The following BMP1 variants were observed in gnomAD, a reference collection of about 807,000 sequenced individuals.
The protein encoded by BMP1 is mammalian tolloid protein.
Under a neutral mutation model 116.8 loss-of-function variants are expected in BMP1, and 63 were observed. The observed-to-expected ratio is 0.54, with a 90% confidence interval of 0.44 to 0.67. BMP1 has a LOEUF of 0.67. Ranked by LOEUF, BMP1 falls within the 30% of genes least tolerant of loss-of-function variation. The pLI, the probability that BMP1 is intolerant of heterozygous loss-of-function variation, is 0.00. For synonymous variants in BMP1, 536 were observed against 533.4 expected, an observed-to-expected ratio of 1.00 and a Z score of -0.07; for missense variants, 1,183 against 1,358.9, an observed-to-expected ratio of 0.87 and a Z score of 2.04.
chr8:22,177,254 G>A (rs1032061845), intron 5 of BMP1, 115 bp downstream of exon 5: 2 of 1,133,030 alleles, frequency 1.8e-6, no homozygotes, highest in Non-Finnish European at 1.2e-6. Flanking sequence ...GCCTGGGCCC[G>A]CAGCGCTGCC....
At chr8:22,210,733 T>C (rs1829449661) in intron 19 of BMP1, among the ~76,000 whole-genome samples, 1 of 152,180 alleles carries the variant, frequency 6.6e-6, no homozygotes, top group Admixed American at 6.5e-5. Context: ...GCTGCCCTGG[T>C]GTCCCCTGGC....
At chr8:22,207,107 C>A in intron 17 of BMP1, 126 bp downstream of exon 17, 2 of 1,477,710 alleles carry the variant, frequency 1.4e-6, no homozygotes, top group Non-Finnish European at 1.8e-6. Flanking sequence ...CAAGTCTGGC[C>A]TGGACAGAGG....
Position 22,196,712 on chromosome 8 carries a change from G to A in BMP1, c.1798G>A (p.Gly600Ser), listed in dbSNP as rs371549770. The A allele has an allele frequency of 5.6e-6, 9 of 1,613,958 alleles. No individual in the cohort carries two copies. Among genetic ancestry groups the A allele is most frequent in the African/African-American group, 4.0e-5 (3 of 74,900 alleles). Reference protein sequence around the residue: ...ACGGFLTKLNGSITSPGWPKE... With the variant: ...ACGGFLTKLNSSITSPGWPKE... The stretch of plus-strand genomic sequence containing the variant: ...TGGCGGATTCCTCACCAAGCTCAAC[G>A]GCTCCATCACCAGCCCGGGCTGGCC... Residue 600 changes from glycine (G) to serine (S), a missense_variant, in exon 14 of 20, where the codon GGC becomes AGC. Transcript: ENST00000306385.
At chr8:22,201,539 A>G in intron 15 of BMP1, 1 of 1,413,876 alleles carries the variant, frequency 7.1e-7, no homozygotes, top group Non-Finnish European at 9.2e-7. Context: ...TAAGCAGGTA[A>G]TGGTGACCCA....
Position 22,198,648 on chromosome 8 carries a change from C to T in BMP1, c.2107+1228C>T, listed in dbSNP as rs937737012. On this transcript the variant is annotated intron_variant, in intron 15 of 19. Transcript: ENST00000306385. Reference sequence around the variant, plus strand: ...GATAGGCAGGAAGGCAGGATGCCCACGGCCGAGTCCATGCTGCCTTCCTTC... The same window carrying T: ...GATAGGCAGGAAGGCAGGATGCCCATGGCCGAGTCCATGCTGCCTTCCTTC... 6 of 157,608 alleles carry T rather than the reference C, an allele frequency of 3.8e-5. No individual in the cohort carries two copies. In the South Asian group the frequency reaches 5.6e-4, roughly 15 times the overall value. 9.8% of individuals were successfully genotyped at this position (157,608 alleles called of 1,614,324 possible). A position where few individuals can be genotyped will look rare whatever the true frequency, so the allele number is the denominator to read the frequency against.
chr8:22,166,986 C>T (rs1828132305), intron 1 of BMP1, among the ~76,000 whole-genome samples: 1 of 152,192 alleles, frequency 6.6e-6, no homozygotes, highest in Non-Finnish European at 1.5e-5. Flanking sequence ...GCCACTTTCA[C>T]ACCTGTAAAA....
At chr8:22,195,906 C>G (rs1428877965) in intron 13 of BMP1, among the ~76,000 whole-genome samples, 4 of 152,038 alleles carry the variant, frequency 2.6e-5, no homozygotes, top group Non-Finnish European at 5.9e-5. Context: ...GCCTCGGCCT[C>G]CCAAAGTGCT....
chr8:22,176,212 G>A lies in BMP1; in HGVS notation c.332G>A (p.Arg111Lys). 1.9e-6 allele frequency: 3 copies of A among 1,614,188 alleles called. No individual in the cohort carries two copies. Among genetic ancestry groups the A allele is most frequent in the Non-Finnish European group, 2.5e-6 (3 of 1,180,040 alleles). The change falls in exon 3 of 20, where the codon AGA (arginine) becomes AAA (lysine). Residue 111 changes from arginine to lysine, a missense_variant. Physicochemically the swap from Arg to Lys is conservative, Grantham distance 26 (BLOSUM62 2). This residue lies in a region of BMP1 where 185 missense variants were observed against 158.9 expected (regional missense o/e 1.16). Transcript: ENST00000306385. ...NGQPQRGACG[R>K]WRGRSRSRRA... is the part of the protein sequence containing the mutation. Reference sequence around the variant, plus strand: ...CAGCCTCAGAGGGGAGCCTGTGGGAGATGGAGAGGTAGATCCCGTAGCCGG... The same window carrying A: ...CAGCCTCAGAGGGGAGCCTGTGGGAAATGGAGAGGTAGATCCCGTAGCCGG...
Position 22,200,797 on chromosome 8 carries a change from G to A in BMP1, c.2108-1006G>A, listed in dbSNP as rs1030199194. Among the ~76,000 whole-genome samples the A allele has an allele frequency of 1.2e-4, 18 of 152,068 alleles. 1 individual carries two copies. The highest frequency in any genetic ancestry group is 7.9e-4 in the Admixed American group (12 of 15,268). On this transcript the variant is annotated intron_variant, in intron 15 of 19. Transcript: ENST00000306385. ...TTCCCAAGTACTGTTCCCCTCTACCGACGACTCCCCAGTTCTCTCCTTCCC... is the reference window on the plus strand; with the variant it reads ...TTCCCAAGTACTGTTCCCCTCTACCAACGACTCCCCAGTTCTCTCCTTCCC...
chr8:22,166,288 C>T lies in BMP1; in HGVS notation c.148+735C>T, dbSNP rs540833168. Among the ~76,000 whole-genome samples the T allele has an allele frequency of 1.4e-4, 21 of 152,126 alleles. 1 individual carries two copies. The highest frequency in any genetic ancestry group is 4.8e-4 in the African/African-American group (20 of 41,502). On this transcript the variant is annotated intron_variant, in intron 1 of 19. Coordinates refer to ENST00000306385, the MANE Select transcript of BMP1 (RefSeq NM_006129.5). ...GGAAAGAGGGAAAATACAAAGAGAA[C>T]CCAGATATTGTATATCAGCTCTGTC...
At chr8:22,169,162 G>A (rs1828202841) in intron 1 of BMP1, among the ~76,000 whole-genome samples, 3 of 149,042 alleles carry the variant, frequency 2.0e-5, no homozygotes, top group African/African-American at 7.5e-5. Flanking sequence ...ACTCTAGTCT[G>A]GGTGACAAAG....
intron 1 of BMP1, among the ~76,000 whole-genome samples, chr8:22,166,687 G>T (rs1345083683): frequency 6.6e-6 from 1 of 152,184 alleles, no homozygotes; most frequent in Non-Finnish European, 1.5e-5. Flanking sequence ...CCTGGCTCTG[G>T]AGACCCTGTT....
In BMP1 at chr8:22,202,061, C is replaced by G. The variant is rs189938848; in HGVS notation, c.2233+133C>G. The G allele has an allele frequency of 6.1e-6, 8 of 1,314,654 alleles. No homozygotes were observed. The Admixed American group carries it at 1.4e-4, about 23-fold the overall frequency. 81.4% of individuals were successfully genotyped at this position (1,314,654 alleles called of 1,614,324 possible). A position where few individuals can be genotyped will look rare whatever the true frequency, so the allele number is the denominator to read the frequency against. On this transcript the variant is annotated intron_variant, in intron 16 of 19. Coordinates refer to ENST00000306385, the MANE Select transcript of BMP1 (RefSeq NM_006129.5). ...GATCTCTAAGGCCCCCTCATTCCCC[C>G]ACCCACCTGGTACATAGATCCTCCT...
At chr8:22,183,209 A>G (rs968270933) in intron 8 of BMP1, among the ~76,000 whole-genome samples, 1 of 152,224 alleles carries the variant, frequency 6.6e-6, no homozygotes, top group African/African-American at 2.4e-5. Context: ...TGAGGCCAGG[A>G]GTTTGAGACC....
chr8:22,198,807 G>A, intron 15 of BMP1: 1 of 461,450 alleles, frequency 2.2e-6, no homozygotes, highest in Non-Finnish European at 3.3e-6. Context: ...ACCCTGCTCT[G>A]CTTACAGTGG....
rs1415871459 is a variant in BMP1, at chr8:22,210,644, TGAACCTCCC to T, written c.2827-949_2827-941del. ...AGCAGCTGCTGGACCCAGCATTGGC[TGAACCTCCC>T]CCAGGAGCAGAGCTTCAGCCCTCGT... On this transcript the variant is annotated intron_variant, in intron 19 of 19. Transcript: ENST00000306385. Among the ~76,000 whole-genome samples the T allele has an allele frequency of 2.0e-5, 3 of 152,306 alleles. No individual in the cohort carries two copies. In the East Asian group the frequency reaches 5.8e-4, roughly 29 times the overall value.
rs1364217394 is a variant in BMP1 at position 22,177,251 on chromosome 8, C to T, written c.730+112C>T. On this transcript the variant is annotated intron_variant, in intron 5 of 19. Transcript: ENST00000306385. ...CTCCAGCCAGCCGTCATCGCCTGGGCCCGCAGCGCTGCCCACAGCCTGGGT... is the reference window on the plus strand; with the variant it reads ...CTCCAGCCAGCCGTCATCGCCTGGGTCCGCAGCGCTGCCCACAGCCTGGGT... 6.0e-6 allele frequency: 7 copies of T among 1,157,098 alleles called. No homozygotes were observed. The East Asian group carries it at 1.8e-4, about 30-fold the overall frequency. The allele number at this position is 1,157,098 out of a possible 1,614,324, so 71.7% of individuals were successfully genotyped here. A position where few individuals can be genotyped will look rare whatever the true frequency, so the allele number is the denominator to read the frequency against.
intron 19 of BMP1, 146 bp from the exon 20 acceptor site, chr8:22,211,448 G>T: frequency 8.6e-7 from 1 of 1,169,416 alleles, no homozygotes; most frequent in Non-Finnish European, 1.2e-6. Flanking sequence ...CATTAAACCA[G>T]CAAGAAGCCC....
Position 22,201,763 on chromosome 8 carries a change from T to C in BMP1, c.2108-40T>C, listed in dbSNP as rs758412887. On this transcript the variant is annotated intron_variant, in intron 15 of 19. Coordinates refer to ENST00000306385, the MANE Select transcript of BMP1 (RefSeq NM_006129.5). The stretch of plus-strand genomic sequence containing the variant: ...CCCTGGGGCATCCCAACCTCAGCCC[T>C]GCACAGACCCAGCGTCTGCCCTTAT... 7 of 1,609,188 alleles carry C rather than the reference T, an allele frequency of 4.4e-6. No individual in the cohort carries two copies. The Admixed American group carries it at 1.2e-4, about 27-fold the overall frequency.
Sources: gnomAD v4.1 joint callset for allele counts (sites outside exome capture counted in the v4.1 genomes callset) on GRCh38, gnomAD v4.1.1 for gene constraint, gnomAD v4.1.1 regional missense constraint, MANE v1.5 for transcripts, NCBI Gene and HGNC (gene_info 2026-07-23, HGNC 2026-07-21) for gene names.